Variants in RIPPLY3 observed in about 807,000 individuals in gnomAD.
RIPPLY3 encodes the protein ripply transcriptional repressor 3, also known as protein ripply3.
Under a neutral mutation model 11.9 loss-of-function variants are expected in RIPPLY3, and 8 were observed. That is an observed-to-expected ratio of 0.67 (90% CI 0.40 to 1.21). The LOEUF is 1.21. Among genes scored for constraint, RIPPLY3 ranks in the 50% most tolerant of loss-of-function variants. The pLI, the probability that RIPPLY3 is intolerant of heterozygous loss-of-function variation, is 0.01. For missense variants in RIPPLY3, 271 were observed against 246.0 expected (o/e 1.10, Z -0.68); for synonymous variants, 102 against 99.0 (o/e 1.03, Z -0.18).
intron 3 of RIPPLY3, among the ~76,000 whole-genome samples, chr21:37,015,893 T>TTG (rs1225375671): frequency 6.7e-6 from 1 of 150,124 alleles, no homozygotes; most frequent in African/African-American, 2.5e-5. Flanking sequence ...TTTTTTTTTT[T>TTG]TTCAGATATG....
At chr21:37,008,101 T>C (rs924645571) in intron 1 of RIPPLY3, 56 bp from the exon 2 acceptor site, 9 of 1,578,740 alleles carry the variant, frequency 5.7e-6, no homozygotes, top group Non-Finnish European at 7.8e-6. Context: ...CATGGCATAG[T>C]TTGAAGGCAG....
chr21:37,013,228 G>C (rs1026505775), intron 2 of RIPPLY3, among the ~76,000 whole-genome samples: 5 of 152,142 alleles, frequency 3.3e-5, no homozygotes, highest in Admixed American at 2.6e-4. Context: ...TTCATGCTTA[G>C]AATCATGGGT....
chr21:37,017,677 G>T (rs866354497), intron 3 of RIPPLY3, among the ~76,000 whole-genome samples, 197 bp from the exon 4 acceptor site: 1 of 152,040 alleles, frequency 6.6e-6, no homozygotes, highest in Non-Finnish European at 1.5e-5. Flanking sequence ...TTCTGAACCG[G>T]GGTAGGTTTA....
At position 37,006,897 on chromosome 21, in the gene RIPPLY3, C is replaced by CGGTGGACGCGCTGAGA; in HGVS notation, c.104+24_104+39dup. ...GAGAGGTGAGGGTGGCCCCGCGCCC[C>CGGTGGACGCGCTGAGA]GGTGGACGCGCTGAGAGGCGTGCGC... On this transcript the variant is annotated intron_variant, in intron 1 of 3. Transcript: ENST00000329553. The surrounding 1 kb of genome is among the most constrained non-coding windows in gnomAD (Gnocchi z 5.2). 1 of 1,190,624 alleles carries CGGTGGACGCGCTGAGA rather than the reference C, an allele frequency of 8.4e-7. No individual in the cohort carries two copies. The highest frequency in any genetic ancestry group is 1.0e-6 in the Non-Finnish European group (1 of 954,002). The allele number at this position is 1,190,624 out of a possible 1,614,324, so 73.8% of individuals were successfully genotyped here.
At chr21:37,012,671 A>G (rs2069536919) in intron 2 of RIPPLY3, among the ~76,000 whole-genome samples, 1 of 151,980 alleles carries the variant, frequency 6.6e-6, no homozygotes, top group African/African-American at 2.4e-5. Context: ...TGAAATACAG[A>G]TCTGATAGTT....
chr21:37,014,798 C>T (rs999117169), intron 3 of RIPPLY3, among the ~76,000 whole-genome samples: 3 of 152,200 alleles, frequency 2.0e-5, no homozygotes, highest in Non-Finnish European at 4.4e-5. Flanking sequence ...ACAATCTCAG[C>T]TCACTGCAAC....
chr21:37,013,597 T>C lies in RIPPLY3; in HGVS notation c.218T>C (p.Phe73Ser), dbSNP rs2069548857. The C allele has an allele frequency of 6.2e-7, 1 of 1,613,788 alleles. No homozygotes were observed. Reference sequence around the variant, plus strand: ...CACACTTTTGGATCAAAGGGAGCCTTTGGGTTTCAGCATCCTGTAAGGTAA... The same window carrying C: ...CACACTTTTGGATCAAAGGGAGCCTCTGGGTTTCAGCATCCTGTAAGGTAA... ...DQHTFGSKGA[F>S]GFQHPVRVYL... The change falls in exon 3 of 4, where the codon TTT becomes TCT. Residue 73 changes from phenylalanine to serine, a missense_variant. Coordinates refer to ENST00000329553, the MANE Select transcript of RIPPLY3 (RefSeq NM_018962.3).
intron 2 of RIPPLY3, 103 bp downstream of exon 2, chr21:37,008,326 C>G (rs2069486746): frequency 8.3e-7 from 1 of 1,208,356 alleles, no homozygotes; most frequent in Non-Finnish European, 1.2e-6. Context: ...AGGGCCGTCC[C>G]TTGGGCGTCT....
intron 1 of RIPPLY3, among the ~76,000 whole-genome samples, chr21:37,007,595 G>C (rs2069478719): frequency 1.3e-5 from 2 of 151,872 alleles, no homozygotes; most frequent in Non-Finnish European, 2.9e-5. Context: ...TTTTAGTAGA[G>C]ACTGGGTTTC....
chr21:37,018,542 G>T lies in RIPPLY3; in HGVS notation c.*335G>T, dbSNP rs1204278102. On this transcript the variant is annotated 3_prime_UTR_variant, in exon 4 of 4. Coordinates refer to ENST00000329553, the MANE Select transcript of RIPPLY3 (RefSeq NM_018962.3). ...TCAGGTGATGAATTCTTCCTAGATA[G>T]TCGCCCACTCCACCTCCTACTTAAC... 7.4e-6 allele frequency: 2 copies of T among 270,724 alleles called. No individual in the cohort carries two copies. Among genetic ancestry groups the T allele is most frequent in the Non-Finnish European group, 1.4e-5 (2 of 144,152 alleles). The allele number at this position is 270,724 out of a possible 1,614,324, so 16.8% of individuals were successfully genotyped here.
upstream of RIPPLY3, chr21:37,006,419 T>G: frequency 1.1e-5 from 2 of 188,118 alleles, no homozygotes; most frequent in East Asian, 1.2e-4. This position sits in a 1 kb window ranked among gnomAD's most constrained non-coding sequence, Gnocchi z 5.2. Flanking sequence ...CTCCCCGACT[T>G]TTCTTTGTCC....
Position 37,006,720 on chromosome 21 carries a change from A to T in RIPPLY3, c.-53A>T. On this transcript the variant is annotated 5_prime_UTR_variant, in exon 1 of 4. Coordinates refer to ENST00000329553, the MANE Select transcript of RIPPLY3 (RefSeq NM_018962.3). The surrounding 1 kb of genome is among the most constrained non-coding windows in gnomAD (Gnocchi z 5.2). ...TGAGCGCGTTAGCCCGAGTGGATCTAGGCGCGCTCGTAGGCCGGCGCCGCA... is the reference window on the plus strand; with the variant it reads ...TGAGCGCGTTAGCCCGAGTGGATCTTGGCGCGCTCGTAGGCCGGCGCCGCA... The T allele has an allele frequency of 8.8e-7, 1 of 1,133,254 alleles. No individual in the cohort carries two copies. The highest frequency in any genetic ancestry group is 1.1e-6 in the Non-Finnish European group (1 of 900,536). The allele number at this position is 1,133,254 out of a possible 1,614,324, so 70.2% of individuals were successfully genotyped here.
intron 2 of RIPPLY3, 62 bp from the exon 3 acceptor site, chr21:37,013,489 C>G: frequency 6.9e-7 from 1 of 1,445,948 alleles, no homozygotes; most frequent in Admixed American, 1.7e-5. Flanking sequence ...TTTAAAACCT[C>G]AGGATGTCAC....
chr21:37,013,146 G>C (rs1438132694), intron 2 of RIPPLY3, among the ~76,000 whole-genome samples: 1 of 152,146 alleles, frequency 6.6e-6, no homozygotes, highest in Non-Finnish European at 1.5e-5. Flanking sequence ...TGCCAAAATA[G>C]TCTTAGAATT....
Position 37,018,509 on chromosome 21 carries a change from C to G in RIPPLY3, c.*302C>G, listed in dbSNP as rs763795876. ...TTTCAAAGCTCCTTCTGCATTGTCA[C>G]TCACTGATCAGGTGATGAATTCTTC... On this transcript the variant is annotated 3_prime_UTR_variant, in exon 4 of 4. Coordinates refer to ENST00000329553, the MANE Select transcript of RIPPLY3 (RefSeq NM_018962.3). 2.7e-6 allele frequency: 1 copy of G among 372,448 alleles called. No individual in the cohort carries two copies. Among genetic ancestry groups the G allele is most frequent in the Non-Finnish European group, 4.9e-6 (1 of 203,686 alleles). The allele number at this position is 372,448 out of a possible 1,614,324, so 23.1% of individuals were successfully genotyped here.
intron 2 of RIPPLY3, among the ~76,000 whole-genome samples, chr21:37,008,756 C>CAAAAAA (rs71198845): frequency 1.3e-4 from 11 of 81,652 alleles, no homozygotes; most frequent in Non-Finnish European, 2.0e-4. Flanking sequence ...AGACTCATCT[C>CAAAAAA]AAAAAAAAAA....
intron 2 of RIPPLY3, 69 bp from the exon 3 acceptor site, chr21:37,013,481 TA>T: frequency 7.2e-7 from 1 of 1,390,262 alleles, no homozygotes; most frequent in Non-Finnish European, 1.0e-6. Flanking sequence ...TTCTGTGGTT[TA>T]AAACCTCAGG....
At chr21:37,012,897 C>T (rs2069540641) in intron 2 of RIPPLY3, among the ~76,000 whole-genome samples, 1 of 142,602 alleles carries the variant, frequency 7.0e-6, no homozygotes, top group African/African-American at 2.6e-5. Context: ...CGGAGTGTCG[C>T]TCTGTCGTCC....
chr21:37,011,322 TA>T (rs960978768), intron 2 of RIPPLY3, among the ~76,000 whole-genome samples: 1 of 152,200 alleles, frequency 6.6e-6, no homozygotes, highest in Admixed American at 6.5e-5. Context: ...ATAAAACTTT[TA>T]AAGCTGCATA....
Sources: gnomAD v4.1 joint callset for allele counts (sites outside exome capture counted in the v4.1 genomes callset) on GRCh38, gnomAD v4.1.1 for gene constraint, Gnocchi (gnomAD v3.1) non-coding constraint, MANE v1.5 for transcripts, NCBI Gene and HGNC (gene_info 2026-07-23, HGNC 2026-07-21) for gene names.